Variants in FNIP2 observed in about 807,000 individuals in gnomAD.
The protein encoded by FNIP2 is folliculin interacting protein 2.
A neutral mutation model predicts 108.7 loss-of-function variants in FNIP2; 32 were observed. That is an observed-to-expected ratio of 0.29 (90% CI 0.22 to 0.40). The LOEUF (loss-of-function observed/expected upper bound fraction) is 0.40. Among genes scored for constraint, FNIP2 ranks in the 10% least tolerant of loss-of-function variants. FNIP2 has a pLI of 1.00. For missense variants in FNIP2, 1,202 were observed against 1,381.6 expected (o/e 0.87, Z 2.06); for synonymous variants, 480 against 496.7 (o/e 0.97, Z 0.45).
intron 6 of FNIP2, chr4:158,834,763 T>A (rs1027450174): frequency 1.4e-4 from 21 of 152,294 alleles, no homozygotes; most frequent in African/African-American, 5.1e-4. Flanking sequence ...TTCCTAGAAG[T>A]CTGTAATACT....
chr4:158,777,483 A>G (rs1443152273), intron 1 of FNIP2, among the ~76,000 whole-genome samples: 1 of 152,260 alleles, frequency 6.6e-6, no homozygotes. Flanking sequence ...TTCTTTAAAA[A>G]GAATGTGCCA....
chr4:158,835,298 C>T, intron 6 of FNIP2, 107 bp from the exon 7 acceptor site: 7 of 793,484 alleles, frequency 8.8e-6, no homozygotes, highest in Non-Finnish European at 1.3e-5. Flanking sequence ...TTATGCCAAT[C>T]ATCAGTAGCA....
chr4:158,883,325 T>C (rs942780471), intron 14 of FNIP2, among the ~76,000 whole-genome samples: 4 of 152,136 alleles, frequency 2.6e-5, no homozygotes, highest in Non-Finnish European at 4.4e-5. Context: ...CACTGCAAGC[T>C]CCGCCTCCTG....
chr4:158,853,698 A>C (rs1779826480), intron 8 of FNIP2, among the ~76,000 whole-genome samples: 2 of 152,350 alleles, frequency 1.3e-5, no homozygotes, highest in South Asian at 4.1e-4. Context: ...AACTTTCAAG[A>C]TGTAAATTTT....
chr4:158,786,105 T>A (rs550712927), intron 1 of FNIP2, among the ~76,000 whole-genome samples: 9 of 152,330 alleles, frequency 5.9e-5, no homozygotes, highest in African/African-American at 2.2e-4. Context: ...TACTTGGGAC[T>A]TACCTGGTGA....
At chr4:158,886,652 G>A (rs1276037212) in intron 14 of FNIP2, among the ~76,000 whole-genome samples, 2 of 152,176 alleles carry the variant, frequency 1.3e-5, no homozygotes, top group East Asian at 1.9e-4. Flanking sequence ...GACAGGAAAC[G>A]TATTTCAAAA....
intron 14 of FNIP2, chr4:158,890,045 A>T (rs1782205805): frequency 1.0e-6 from 1 of 985,310 alleles, no homozygotes; most frequent in Non-Finnish European, 1.2e-6. Context: ...TATGTGTGTA[A>T]GAAAATCTTT....
intron 1 of FNIP2, among the ~76,000 whole-genome samples, chr4:158,771,160 C>G (rs1171080682): frequency 6.6e-6 from 1 of 152,012 alleles, no homozygotes; most frequent in Non-Finnish European, 1.5e-5. Context: ...AATTTGAGAT[C>G]GATGTTTTTG....
chr4:158,880,496 C>T (rs577793808), intron 14 of FNIP2, among the ~76,000 whole-genome samples: 32 of 152,084 alleles, frequency 2.1e-4, no homozygotes, highest in African/African-American at 5.8e-4. Context: ...ATGTAAATGA[C>T]GAGTTAATGG....
intron 12 of FNIP2, among the ~76,000 whole-genome samples, chr4:158,865,062 G>T (rs992060686): frequency 1.3e-5 from 2 of 151,970 alleles, no homozygotes; most frequent in African/African-American, 4.8e-5. Flanking sequence ...CACCTTTCCT[G>T]CTTCCATGCA....
chr4:158,874,063 T>C (rs1781113793), intron 14 of FNIP2, among the ~76,000 whole-genome samples: 1 of 152,222 alleles, frequency 6.6e-6, no homozygotes, highest in Non-Finnish European at 1.5e-5. Flanking sequence ...TGACTTAGTG[T>C]TGATGGCTTG....
At chr4:158,799,194 T>C (rs1470406204) in intron 1 of FNIP2, among the ~76,000 whole-genome samples, 2 of 152,238 alleles carry the variant, frequency 1.3e-5, no homozygotes, top group African/African-American at 4.8e-5. Context: ...GGGACTGGAC[T>C]TTGTACAGCT....
Position 158,904,573 on chromosome 4 carries a change from A to C in FNIP2, c.*29A>C. The C allele has an allele frequency of 6.3e-7, 1 of 1,590,082 alleles. No individual in the cohort carries two copies. The highest frequency in any genetic ancestry group is 8.6e-7 in the Non-Finnish European group (1 of 1,162,612). ...AAAGCTCAGGACAGTTCTTCCTTGG[A>C]AGAAAAAAATCAAATTCTCAACTGA... is the stretch of plus-strand genomic sequence containing the variant. On this transcript the variant is annotated 3_prime_UTR_variant, in exon 17 of 17. Coordinates refer to ENST00000264433, the MANE Select transcript of FNIP2 (RefSeq NM_020840.3).
At chr4:158,788,783 C>T (rs1342645906) in intron 1 of FNIP2, among the ~76,000 whole-genome samples, 1 of 152,216 alleles carries the variant, frequency 6.6e-6, no homozygotes, top group Non-Finnish European at 1.5e-5. Flanking sequence ...CTGTAGCCTC[C>T]TGCTCCCCAG....
chr4:158,778,938 G>T (rs1032075856), intron 1 of FNIP2, among the ~76,000 whole-genome samples: 1 of 152,186 alleles, frequency 6.6e-6, no homozygotes, highest in South Asian at 2.1e-4. Flanking sequence ...CTGCCAAACC[G>T]CACTCCAGAG....
At chr4:158,838,418 G>A (rs990276418) in intron 7 of FNIP2, among the ~76,000 whole-genome samples, 4 of 151,772 alleles carry the variant, frequency 2.6e-5, no homozygotes, top group African/African-American at 4.8e-5. Context: ...ATGGAGTTTC[G>A]CCATGTTGCT....
chr4:158,798,782 T>C (rs1180874121), intron 1 of FNIP2, among the ~76,000 whole-genome samples: 1 of 152,240 alleles, frequency 6.6e-6, no homozygotes, highest in East Asian at 1.9e-4. Context: ...TTTGGTGGCT[T>C]GTGTAATTAT....
intron 14 of FNIP2, among the ~76,000 whole-genome samples, chr4:158,877,010 AC>A (rs1288269007): frequency 3.9e-5 from 6 of 152,164 alleles, no homozygotes; most frequent in African/African-American, 1.4e-4. Flanking sequence ...ATGTTTTACT[AC>A]CTACAAGATA....
intron 16 of FNIP2, among the ~76,000 whole-genome samples, chr4:158,899,760 G>A (rs908203283): frequency 1.4e-4 from 22 of 151,876 alleles, no homozygotes; most frequent in African/African-American, 5.3e-4. Flanking sequence ...TATTAGTCTG[G>A]CTAGTGGTCT....
Sources: gnomAD v4.1 joint callset for allele counts (sites outside exome capture counted in the v4.1 genomes callset) on GRCh38, gnomAD v4.1.1 for gene constraint, MANE v1.5 for transcripts, NCBI Gene and HGNC (gene_info 2026-07-23, HGNC 2026-07-21) for gene names.